The following COBL variants were observed in gnomAD, a reference collection of about 807,000 sequenced individuals.
The protein encoded by COBL is protein cordon-bleu.
A neutral mutation model predicts 98.8 loss-of-function variants in COBL; 51 were observed. The observed-to-expected ratio is 0.52, with a 90% CI of 0.41 to 0.65. The LOEUF (loss-of-function observed/expected upper bound fraction) is 0.65, where lower values mean the gene tolerates loss of function less well. Among genes scored for constraint, COBL ranks in the 30% least tolerant of loss-of-function variants. The pLI is 0.00. For synonymous variants in COBL, 634 were observed against 651.7 expected (o/e 0.97, Z 0.41); for missense variants, 1,617 against 1,617.5 (o/e 1.00, Z 0.01).
At chr7:51,226,502 G>A (rs1436595268) in intron 1 of COBL, among the ~76,000 whole-genome samples, 2 of 141,024 alleles carry the variant, frequency 1.4e-5, no homozygotes, top group African/African-American at 5.5e-5. Context: ...GCCCAGGGAA[G>A]GAATTCGGTC....
intron 5 of COBL, among the ~76,000 whole-genome samples, chr7:51,146,919 T>A (rs1785086456): frequency 1.3e-5 from 2 of 152,268 alleles, no homozygotes; most frequent in South Asian, 4.1e-4. Context: ...CGGCTGCTGA[T>A]CCCCTGGCAG....
At chr7:51,145,404 G>T (rs1784930922) in intron 5 of COBL, among the ~76,000 whole-genome samples, 1 of 149,492 alleles carries the variant, frequency 6.7e-6, no homozygotes, top group African/African-American at 2.5e-5. Context: ...TTCCGAGATG[G>T]AGTGTCACTC....
intron 7 of COBL, among the ~76,000 whole-genome samples, chr7:51,063,295 C>G (rs1303213176): frequency 6.6e-6 from 1 of 151,984 alleles, no homozygotes; most frequent in Non-Finnish European, 1.5e-5. Flanking sequence ...CCACCGCGCC[C>G]GGCTAATTTT....
rs76260568 is a variant in COBL at position 51,086,145 on chromosome 7, T to C, written c.958-841A>G. On this transcript the variant is annotated intron_variant, in intron 6 of 12. Coordinates refer to ENST00000265136, the MANE Select transcript of COBL (RefSeq NM_015198.5). ...GAAAGTTTTTATTCGTTCACTCTCATTGATTAAAATTCATTGATTAAAGAA... is the reference window on the plus strand; with the variant it reads ...GAAAGTTTTTATTCGTTCACTCTCACTGATTAAAATTCATTGATTAAAGAA... Among the ~76,000 whole-genome samples the C allele has an allele frequency of 6.9e-3, 1,043 of 152,210 alleles. 9 individuals are homozygous for C. The highest frequency in any genetic ancestry group is 0.024 in the African/African-American group (992 of 41,520).
chr7:51,125,398 G>A lies in COBL; in HGVS notation c.957+10760C>T, dbSNP rs912648445. ...TCTTGAACTTCCAGCCTCCAGGACT[G>A]TGAGAAATAAATTTCTGTTGAAACC... On this transcript the variant is annotated intron_variant, in intron 6 of 12. Coordinates refer to ENST00000265136, the MANE Select transcript of COBL (RefSeq NM_015198.5). Among the ~76,000 whole-genome samples the A allele has an allele frequency of 2.0e-5, 3 of 152,256 alleles. No individual in the cohort carries two copies. In the East Asian group the frequency reaches 5.8e-4, roughly 29 times the overall value.
chr7:51,246,670 A>C (rs1436515127), intron 1 of COBL, among the ~76,000 whole-genome samples: 1 of 152,222 alleles, frequency 6.6e-6, no homozygotes, highest in Non-Finnish European at 1.5e-5. Flanking sequence ...TTAATGAAGC[A>C]TTATAATGTT....
chr7:51,137,466 A>T (rs1348906933), intron 5 of COBL, among the ~76,000 whole-genome samples: 2 of 152,078 alleles, frequency 1.3e-5, no homozygotes, highest in Non-Finnish European at 2.9e-5. Flanking sequence ...GGGTGTGGTC[A>T]TGCTCACCTT....
At chr7:51,071,403 A>G (rs1270197089) in intron 7 of COBL, 1 of 152,192 alleles carries the variant, frequency 6.6e-6, no homozygotes, top group Non-Finnish European at 1.5e-5. Flanking sequence ...ATTCTATCCA[A>G]CATCTATCAG....
chr7:51,069,004 G>A (rs1390623798), intron 7 of COBL, among the ~76,000 whole-genome samples: 1 of 152,160 alleles, frequency 6.6e-6, no homozygotes, highest in Non-Finnish European at 1.5e-5. Context: ...TCATCAAAAC[G>A]TTGCCCTCGG....
chr7:51,182,597 T>C (rs1789085301), intron 5 of COBL, among the ~76,000 whole-genome samples: 1 of 149,780 alleles, frequency 6.7e-6, no homozygotes. Flanking sequence ...ATTCTGCTTC[T>C]GTGATTTCAA....
intron 5 of COBL, among the ~76,000 whole-genome samples, chr7:51,174,338 G>A (rs754047428): frequency 2.6e-5 from 4 of 151,874 alleles, no homozygotes; most frequent in East Asian, 3.9e-4. Flanking sequence ...CATTTAGCAC[G>A]GTACCTCAAA....
chr7:51,050,442 T>C (rs1339349455), intron 7 of COBL, among the ~76,000 whole-genome samples: 1 of 152,226 alleles, frequency 6.6e-6, no homozygotes, highest in East Asian at 1.9e-4. Flanking sequence ...TCACTCTGTT[T>C]GTGTTAAAAG....
At chr7:51,165,598 C>T (rs1261516522) in intron 5 of COBL, among the ~76,000 whole-genome samples, 2 of 151,966 alleles carry the variant, frequency 1.3e-5, no homozygotes, top group African/African-American at 4.8e-5. Context: ...ACTTAATCTA[C>T]AGTGTAGATC....
intron 1 of COBL, among the ~76,000 whole-genome samples, chr7:51,239,833 G>T (rs2129120268): frequency 6.6e-6 from 1 of 152,260 alleles, no homozygotes; most frequent in Non-Finnish European, 1.5e-5. Context: ...GGCACACGTT[G>T]TTTTATTGAT....
intron 6 of COBL, among the ~76,000 whole-genome samples, chr7:51,116,582 A>G (rs1797285633): frequency 1.3e-5 from 2 of 152,156 alleles, no homozygotes; most frequent in South Asian, 4.1e-4. Flanking sequence ...GGAAAGAAAT[A>G]TATCACATAT....
chr7:51,244,620 T>G (rs1167022408), intron 1 of COBL, among the ~76,000 whole-genome samples: 2 of 152,022 alleles, frequency 1.3e-5, no homozygotes, highest in Non-Finnish European at 2.9e-5. Context: ...CACAGCATGC[T>G]CCAGTTCCAA....
At chr7:51,037,636 T>C (rs1268978988) in intron 8 of COBL, among the ~76,000 whole-genome samples, 1 of 152,188 alleles carries the variant, frequency 6.6e-6, no homozygotes, top group Non-Finnish European at 1.5e-5. Flanking sequence ...ACATTTCTAT[T>C]ATTCCTGTTC....
At chr7:51,137,112 G>C (rs1416439023) in intron 5 of COBL, among the ~76,000 whole-genome samples, 1 of 152,150 alleles carries the variant, frequency 6.6e-6, no homozygotes, top group Non-Finnish European at 1.5e-5. Context: ...AAAACAAGAT[G>C]GTACCATGCT....
At chr7:51,070,189 T>C (rs192709454) in intron 7 of COBL, among the ~76,000 whole-genome samples, 45 of 152,290 alleles carry the variant, frequency 3.0e-4, no homozygotes, top group African/African-American at 9.6e-4. Flanking sequence ...TGCGTTGCTA[T>C]TGGTGACAAA....
Sources: gnomAD v4.1 joint callset for allele counts (sites outside exome capture counted in the v4.1 genomes callset) on GRCh38, gnomAD v4.1.1 for gene constraint, MANE v1.5 for transcripts, NCBI Gene and HGNC (gene_info 2026-07-23, HGNC 2026-07-21) for gene names.